The following REST variants were observed in gnomAD, a reference collection of about 807,000 sequenced individuals.
REST encodes RE1 silencing transcription factor.
A neutral mutation model predicts 30.4 loss-of-function variants in REST; 1 was observed. That is an observed-to-expected ratio of 0.03 (90% CI 0.01 to 0.16). The LOEUF (loss-of-function observed/expected upper bound fraction) is 0.16. Among genes scored for constraint, REST ranks in the 10% least tolerant of loss-of-function variants. The probability of loss-of-function intolerance (pLI) is 1.00; values close to 1 mark genes in which losing one functional copy is unlikely to be tolerated. For missense variants in REST, 1,259 were observed against 1,329.5 expected (o/e 0.95, Z 0.82); for synonymous variants, 504 against 451.1 (o/e 1.12, Z -1.49).
chr4:56,927,387 AT>A (rs757089533), intron 3 of REST, among the ~76,000 whole-genome samples: 7 of 152,226 alleles, frequency 4.6e-5, no homozygotes, highest in Non-Finnish European at 1.0e-4. Flanking sequence ...ATGGAGAAGA[AT>A]TGTCCAGTCA....
At position 56,932,486 on chromosome 4, in the gene REST, AGTTT is replaced by A. The variant is rs1410404805; in HGVS notation, c.*335_*338del. The A allele has an allele frequency of 2.2e-5, 4 of 180,816 alleles. No individual in the cohort carries two copies. Among genetic ancestry groups the A allele is most frequent in the African/African-American group, 9.4e-5 (4 of 42,552 alleles). 11.2% of individuals were successfully genotyped at this position (180,816 alleles called of 1,614,324 possible). A position where few individuals can be genotyped will look rare whatever the true frequency, so the allele number is the denominator to read the frequency against. ...ATGTCTTATCTTCCTGTTTCACTTT[AGTTT>A]ATTCTTCGTTTTTTATTGAGATCTA... On this transcript the variant is annotated 3_prime_UTR_variant, in exon 4 of 4. Coordinates refer to ENST00000309042, the MANE Select transcript of REST (RefSeq NM_005612.5).
At position 56,930,927 on chromosome 4, in the gene REST, C is replaced by T. The variant is rs1370978551; in HGVS notation, c.2069C>T (p.Pro690Leu). Residue 690 changes from proline (P) to leucine (L), a missense_variant, in exon 4 of 4, where the codon CCC becomes CTC. Transcript: ENST00000309042. Reference sequence around the variant, plus strand: ...CTTGCTCACATGGAGCTGCCTCCTCCCATGGAGACTGCTCAGACGGAGGTT... The same window carrying T: ...CTTGCTCACATGGAGCTGCCTCCTCTCATGGAGACTGCTCAGACGGAGGTT... ...IVLAHMELPP[P>L]METAQTEVAQ... The T allele has an allele frequency of 6.2e-7, 1 of 1,613,302 alleles. No homozygotes were observed. Among genetic ancestry groups the T allele is most frequent in the Non-Finnish European group, 8.5e-7 (1 of 1,179,606 alleles).
chr4:56,930,405 C>G lies in REST; in HGVS notation c.1547C>G (p.Thr516Ser). ...AGCAATTCAGAAAAATTCAGTAAAACTAAGAAAAGCAAAAGGAAGCTGGAA... is the reference window on the plus strand; with the variant it reads ...AGCAATTCAGAAAAATTCAGTAAAAGTAAGAAAAGCAAAAGGAAGCTGGAA... ...TGSNSEKFSK[T>S]KKSKRKLEVD... Residue 516 changes from threonine (T) to serine (S), a missense_variant, in exon 4 of 4, where the codon ACT (threonine) becomes AGT (serine). Around this residue, in one of 5 missense-constraint regions of REST, gnomAD observed 856 missense variants for 772.8 expected, o/e 1.11. Coordinates refer to ENST00000309042, the MANE Select transcript of REST (RefSeq NM_005612.5). 1 of 1,613,792 alleles carries G rather than the reference C, an allele frequency of 6.2e-7. No individual in the cohort carries two copies. The highest frequency in any genetic ancestry group is 8.5e-7 in the Non-Finnish European group (1 of 1,179,954).
At chr4:56,920,097 G>A (rs1720377079) in intron 3 of REST, 1 of 331,564 alleles carries the variant, frequency 3.0e-6, no homozygotes. Flanking sequence ...GGGAGGAGGG[G>A]CCTTAATTCT....
intron 3 of REST, among the ~76,000 whole-genome samples, chr4:56,921,740 A>G (rs558595496): frequency 2.6e-4 from 40 of 152,190 alleles, no homozygotes; most frequent in South Asian, 6.4e-4. Flanking sequence ...AGAAAAGACT[A>G]TCTTTCTCTG....
chr4:56,925,818 C>T (rs1485898525), intron 3 of REST, among the ~76,000 whole-genome samples: 1 of 152,060 alleles, frequency 6.6e-6, no homozygotes, highest in East Asian at 1.9e-4. Flanking sequence ...TAAATCATGC[C>T]ATCAAATTTT....
At chr4:56,919,460 A>C (rs2109545438) in intron 2 of REST, among the ~76,000 whole-genome samples, 1 of 152,318 alleles carries the variant, frequency 6.6e-6, no homozygotes, top group South Asian at 2.1e-4. Flanking sequence ...TATAACAAAA[A>C]TGCTTTGTAC....
At chr4:56,913,368 C>T (rs1278826466) in intron 2 of REST, among the ~76,000 whole-genome samples, 16 of 152,086 alleles carry the variant, frequency 1.1e-4, no homozygotes, top group Admixed American at 7.9e-4. Context: ...AATTGAGGGG[C>T]CTCATTTTTC....
At chr4:56,916,418 T>G (rs1315809968) in intron 2 of REST, among the ~76,000 whole-genome samples, 2 of 152,130 alleles carry the variant, frequency 1.3e-5, no homozygotes, top group African/African-American at 2.4e-5. Context: ...TCCCAGCACC[T>G]TGGGAGGCAG....
intron 3 of REST, among the ~76,000 whole-genome samples, chr4:56,920,943 G>A (rs10030913): frequency 0.36 from 54,575 of 151,872 alleles, 10,080 homozygotes; most frequent in Middle Eastern, 0.49. Context: ...TCAGCTCACC[G>A]CAACCTCCGC....
At chr4:56,926,952 C>T (rs1037934311) in intron 3 of REST, among the ~76,000 whole-genome samples, 4 of 151,924 alleles carry the variant, frequency 2.6e-5, no homozygotes, top group Non-Finnish European at 2.9e-5. Flanking sequence ...CAAAATTAGC[C>T]AGGCTTAGTG....
chr4:56,909,467 G>A (rs1214968108), intron 1 of REST: 1 of 152,224 alleles, frequency 6.6e-6, no homozygotes, highest in African/African-American at 2.4e-5. Flanking sequence ...GCAGTTAGGG[G>A]TTAGGGAGCA....
chr4:56,929,893 T>G lies in REST; in HGVS notation c.1035T>G (p.His345Gln). ...GCAGTTATGTGGCCTCTAATCAACA[T>G]GAAGTAACCCGCCATGCAAGACAGG... Reference protein sequence around the residue: ...DQCSYVASNQHEVTRHARQVH... With the variant: ...DQCSYVASNQQEVTRHARQVH... The change falls in exon 4 of 4, where the codon CAT becomes CAG. Residue 345 changes from histidine (H) to glutamine (Q), a missense_variant. Physicochemically the swap from His to Gln is conservative, Grantham distance 24 (BLOSUM62 0). Transcript: ENST00000309042. The G allele has an allele frequency of 6.2e-7, 1 of 1,614,158 alleles. No homozygotes were observed. The highest frequency in any genetic ancestry group is 8.5e-7 in the Non-Finnish European group (1 of 1,180,026).
rs768212030 is a variant in REST, at chr4:56,910,968, A to G, written c.330A>G (p.Glu110=). 6.8e-6 allele frequency: 11 copies of G among 1,614,214 alleles called. No homozygotes were observed. Among genetic ancestry groups the G allele is most frequent in the Non-Finnish European group, 8.5e-6 (10 of 1,180,028 alleles). The part of the protein sequence containing the change: ...KGEPHGLENM[E]LRSLELSVVE... ...AACCTCATGGACTGGAAAACATGGA[A>G]CTGAGAAGTTTGGAACTCAGCGTCG... The change falls in exon 2 of 4, where the codon GAA becomes GAG. Residue 110 remains glutamate (E), a synonymous_variant. Coordinates refer to ENST00000309042, the MANE Select transcript of REST (RefSeq NM_005612.5).
At chr4:56,919,435 A>G (rs1242462352) in intron 2 of REST, among the ~76,000 whole-genome samples, 1 of 152,168 alleles carries the variant, frequency 6.6e-6, no homozygotes, top group Non-Finnish European at 1.5e-5. Context: ...AGATTTTTTA[A>G]AAGGTGATTC....
chr4:56,916,494 A>G (rs1720201301), intron 2 of REST, among the ~76,000 whole-genome samples: 1 of 151,988 alleles, frequency 6.6e-6, no homozygotes, highest in South Asian at 2.1e-4. Context: ...TGTCTCTACT[A>G]AAAATACAAC....
At position 56,934,404 on chromosome 4, in the gene REST, G is replaced by A. The variant is rs138876445; in HGVS notation, c.*2252G>A. The A allele has an allele frequency of 1.9e-3, 296 of 152,168 alleles. 1 individual carries two copies. The highest frequency in any genetic ancestry group is 6.9e-3 in the African/African-American group (286 of 41,520). 9.4% of individuals were successfully genotyped at this position (152,168 alleles called of 1,614,324 possible). ...GGGAATTGAGCTAACTTCTAATCTA[G>A]TCTTAAGACTAGAATGCTAAAAACA... On this transcript the variant is annotated 3_prime_UTR_variant, in exon 4 of 4. Transcript: ENST00000309042.
At chr4:56,909,710 C>A (rs538780280) in intron 1 of REST, 49 of 152,240 alleles carry the variant, frequency 3.2e-4, no homozygotes, top group African/African-American at 1.2e-3. Context: ...GTGAACACTT[C>A]GTTTGAGAAT....
intron 2 of REST, among the ~76,000 whole-genome samples, chr4:56,912,270 A>G (rs1256984278): frequency 6.6e-6 from 1 of 151,380 alleles, no homozygotes; most frequent in Non-Finnish European, 1.5e-5. Context: ...TAGAAAATGT[A>G]TTTTTCAGAC....
Sources: allele counts gnomAD v4.1 joint callset (sites outside exome capture counted in the v4.1 genomes callset), GRCh38; gene constraint gnomAD v4.1.1; regional missense constraint gnomAD v4.1.1; transcripts MANE v1.5; gene names NCBI Gene and HGNC (gene_info 2026-07-23, HGNC 2026-07-21).